WNT6: variants seen among roughly 807,000 people sequenced by gnomAD.
WNT6 encodes the protein Wnt family member 6.
A neutral mutation model predicts 33.1 loss-of-function variants in WNT6; 27 were observed. The ratio of observed to expected loss-of-function variants is 0.82; its 90% CI spans 0.60 to 1.12. The LOEUF (loss-of-function observed/expected upper bound fraction) is 1.12, where lower values mean the gene tolerates loss of function less well. Among genes scored for constraint, WNT6 ranks in the 50% most tolerant of loss-of-function variants. WNT6 has a pLI of 0.00. For missense variants in WNT6, 494 were observed against 535.3 expected (o/e 0.92, Z 0.76); for synonymous variants, 249 against 242.8 (o/e 1.03, Z -0.24).
rs771256486 is a variant in WNT6 at position 218,871,188 on chromosome 2, G to T, written c.242G>T (p.Arg81Leu). ...GTGCGAGAGTGCCAGTTCCAGTTCCGCTTCCGCCGCTGGAATTGCTCCAGC... is the reference window on the plus strand; with the variant it reads ...GTGCGAGAGTGCCAGTTCCAGTTCCTCTTCCGCCGCTGGAATTGCTCCAGC... ...LGVRECQFQFRFRRWNCSSHS... is the reference protein window; with the variant it reads ...LGVRECQFQFLFRRWNCSSHS... The change falls in exon 2 of 4, where the codon CGC (arginine) becomes CTC (leucine). Residue 81 changes from arginine to leucine, a missense_variant. Arg to Leu is a moderately radical substitution (Grantham distance 102, BLOSUM62 -2). Coordinates refer to ENST00000233948, the MANE Select transcript of WNT6 (RefSeq NM_006522.4). The surrounding 1 kb of genome is among the most constrained non-coding windows in gnomAD (Gnocchi z 6.4). The T allele has an allele frequency of 1.2e-6, 2 of 1,613,516 alleles. No homozygotes were observed. Among genetic ancestry groups the T allele is most frequent in the Non-Finnish European group, 1.7e-6 (2 of 1,179,892 alleles).
rs1345871655 is a variant in WNT6, at chr2:218,873,735, C to A, written c.988C>A (p.Arg330Ser). The A allele has an allele frequency of 2.5e-6, 4 of 1,579,190 alleles. No homozygotes were observed. The highest frequency in any genetic ancestry group is 1.4e-5 in the African/African-American group (1 of 73,818). Residue 330 changes from arginine (R) to serine (S), a missense_variant, in exon 4 of 4, where the codon CGC becomes AGC. By Grantham distance (110) the Arg-to-Ser change is moderately radical. Transcript: ENST00000233948. The surrounding 1 kb of genome is among the most constrained non-coding windows in gnomAD (Gnocchi z 6.1). ...CDLLCCGRGHRQESVQLEENC... is the reference protein window; with the variant it reads ...CDLLCCGRGHSQESVQLEENC... ...CCTGCTGTGCTGCGGCCGCGGGCACCGCCAGGAGAGCGTGCAGCTCGAAGA... is the reference window on the plus strand; with the variant it reads ...CCTGCTGTGCTGCGGCCGCGGGCACAGCCAGGAGAGCGTGCAGCTCGAAGA...
chr2:218,869,323 C>G (rs778438970), intron 1 of WNT6, among the ~76,000 whole-genome samples: 1 of 152,192 alleles, frequency 6.6e-6, no homozygotes, highest in Non-Finnish European at 1.5e-5. Context: ...ACCACCTCTT[C>G]AAGCATCTCC....
rs1202405033 is a variant in WNT6, at chr2:218,873,256, C to T, written c.637-128C>T. The T allele has an allele frequency of 1.1e-6, 1 of 933,244 alleles. No individual in the cohort carries two copies. The highest frequency in any genetic ancestry group is 2.7e-5 in the East Asian group (1 of 36,406). 57.8% of individuals were successfully genotyped at this position (933,244 alleles called of 1,614,324 possible). On this transcript the variant is annotated intron_variant, in intron 3 of 3. Coordinates refer to ENST00000233948, the MANE Select transcript of WNT6 (RefSeq NM_006522.4). This position sits in a 1 kb window ranked among gnomAD's most constrained non-coding sequence, Gnocchi z 6.1. ...GATTTCCTCCCCCTGAACTTGCGGT[C>T]TCCTTTTGTCTGCATTTTCCTCTCT... is the stretch of plus-strand genomic sequence containing the variant.
intron 1 of WNT6, among the ~76,000 whole-genome samples, chr2:218,868,285 G>T (rs1575224503): frequency 6.6e-6 from 1 of 152,114 alleles, no homozygotes; most frequent in African/African-American, 2.4e-5. Context: ...TAGTCCCTGC[G>T]AAACAGAGAA....
intron 1 of WNT6, among the ~76,000 whole-genome samples, chr2:218,862,843 T>A (rs1944321744): frequency 6.6e-6 from 1 of 151,982 alleles, no homozygotes; most frequent in African/African-American, 2.4e-5. Flanking sequence ...TAACTGGGAT[T>A]AGAGTTGCCC....
intron 1 of WNT6, among the ~76,000 whole-genome samples, chr2:218,866,641 T>C (rs1251426698): frequency 2.0e-5 from 3 of 152,142 alleles, no homozygotes; most frequent in African/African-American, 4.8e-5. Flanking sequence ...ACTAGTTTCA[T>C]TTGACAGTTG....
At position 218,871,907 on chromosome 2, in the gene WNT6, G is replaced by C. The variant is rs1220747855; in HGVS notation, c.636+88G>C. 1.1e-5 allele frequency: 10 copies of C among 941,312 alleles called. No individual in the cohort carries two copies. The highest frequency in any genetic ancestry group is 1.4e-5 in the Non-Finnish European group (10 of 706,352). The allele number at this position is 941,312 out of a possible 1,614,324, so 58.3% of individuals were successfully genotyped here. A position where few individuals can be genotyped will look rare whatever the true frequency, so the allele number is the denominator to read the frequency against. On this transcript the variant is annotated intron_variant, in intron 3 of 3. Coordinates refer to ENST00000233948, the MANE Select transcript of WNT6 (RefSeq NM_006522.4). This position sits in a 1 kb window ranked among gnomAD's most constrained non-coding sequence, Gnocchi z 6.4. Reference sequence around the variant, plus strand: ...TTGAGGAAGTGTTGGCAGGAGTGAGGGTGTGTAGGTGGAGGGGGGCGTTAA... The same window carrying C: ...TTGAGGAAGTGTTGGCAGGAGTGAGCGTGTGTAGGTGGAGGGGGGCGTTAA...
intron 1 of WNT6, among the ~76,000 whole-genome samples, chr2:218,869,781 C>T (rs943701997): frequency 1.1e-4 from 17 of 152,174 alleles, no homozygotes; most frequent in African/African-American, 3.1e-4. Flanking sequence ...TTGGGCAGAA[C>T]GAAGGCCAGG....
intron 1 of WNT6, among the ~76,000 whole-genome samples, chr2:218,864,426 T>C (rs13424008): frequency 0.047 from 6,864 of 147,070 alleles, 513 homozygotes; most frequent in African/African-American, 0.16. Flanking sequence ...TGCCAGCTAA[T>C]TTTTTTTTTT....
At chr2:218,866,067 C>T (rs1406952224) in intron 1 of WNT6, among the ~76,000 whole-genome samples, 8 of 41,376 alleles carry the variant, frequency 1.9e-4, no homozygotes, top group South Asian at 1.1e-3. Context: ...ACAGGACAGG[C>T]GGGCGGGCAC....
At chr2:218,865,722 C>T (rs1251747646) in intron 1 of WNT6, among the ~76,000 whole-genome samples, 1 of 152,114 alleles carries the variant, frequency 6.6e-6, no homozygotes, top group Non-Finnish European at 1.5e-5. Flanking sequence ...AGGTGCTCCC[C>T]ACCCCAATAT....
In WNT6 at chr2:218,873,289, A is replaced by G. The variant is rs1285500021; in HGVS notation, c.637-95A>G. 1 of 1,231,612 alleles carries G rather than the reference A, an allele frequency of 8.1e-7. No homozygotes were observed. The highest frequency in any genetic ancestry group is 1.1e-6 in the Non-Finnish European group (1 of 906,642). 76.3% of individuals were successfully genotyped at this position (1,231,612 alleles called of 1,614,324 possible). ...GTCTGCATTTTCCTCTCTTCCTTTC[A>G]CCTCCCATTCCCAATCTTATTTTCT... On this transcript the variant is annotated intron_variant, in intron 3 of 3. Transcript: ENST00000233948. This position sits in a 1 kb window ranked among gnomAD's most constrained non-coding sequence, Gnocchi z 6.1.
Position 218,873,423 on chromosome 2 carries a change from G to A in WNT6, c.676G>A (p.Gly226Arg), listed in dbSNP as rs1455994673. The change falls in exon 4 of 4, where the codon GGG (glycine) becomes AGG (arginine). Residue 226 changes from glycine to arginine, a missense_variant. By Grantham distance (125) the Gly-to-Arg change is moderately radical. Transcript: ENST00000233948. The surrounding 1 kb of genome is among the most constrained non-coding windows in gnomAD (Gnocchi z 6.1). The stretch of plus-strand genomic sequence containing the variant: ...CACGCGCACCGAGTGCAAATGCCAC[G>A]GGCTGTCGGGATCATGCGCGCTGCG... ...SHTRTECKCH[G>R]LSGSCALRTC... 2 of 1,537,598 alleles carry A rather than the reference G, an allele frequency of 1.3e-6. No homozygotes were observed. The highest frequency in any genetic ancestry group is 2.7e-5 in the African/African-American group (2 of 72,992).
intron 1 of WNT6, among the ~76,000 whole-genome samples, chr2:218,860,932 C>T (rs933768552): frequency 6.6e-6 from 1 of 151,750 alleles, no homozygotes; most frequent in Admixed American, 6.6e-5. Context: ...CCGACCGGGA[C>T]GGCTCAGAGA....
chr2:218,870,326 C>T (rs550701780), intron 1 of WNT6, among the ~76,000 whole-genome samples: 4 of 152,296 alleles, frequency 2.6e-5, no homozygotes, highest in African/African-American at 9.6e-5. Flanking sequence ...GCCCCCAGCT[C>T]CTTCTTCCTG....
At position 218,860,090 on chromosome 2, in the gene WNT6, GC is replaced by G; in HGVS notation, c.56del (p.Pro19ArgfsTer47). 1.3e-6 allele frequency: 2 copies of G among 1,526,896 alleles called. No individual in the cohort carries two copies. The highest frequency in any genetic ancestry group is 8.8e-7 in the Non-Finnish European group (1 of 1,142,020). 94.6% of individuals were successfully genotyped at this position (1,526,896 alleles called of 1,614,324 possible). ...RLGLLLLLLL[C>X]PAHVGGLWWA... ...GGGCTGCTGCTGCTGCTGCTCCTGT[GC>G]CCGGCGCACGTCGGCGGACTGTGGT... On this transcript the variant is annotated frameshift_variant, in exon 1 of 4. Transcript: ENST00000233948. LOFTEE classifies it high-confidence loss of function.
chr2:218,863,216 C>G (rs893552154), intron 1 of WNT6, among the ~76,000 whole-genome samples: 2 of 152,166 alleles, frequency 1.3e-5, no homozygotes, highest in African/African-American at 4.8e-5. Flanking sequence ...GGCAGCTTTC[C>G]CAGTAAGGGC....
intron 1 of WNT6, among the ~76,000 whole-genome samples, chr2:218,868,326 T>C (rs552790517): frequency 2.0e-5 from 3 of 152,278 alleles, no homozygotes; most frequent in East Asian, 3.9e-4. Flanking sequence ...TCTGTCTTGC[T>C]CATCTCCACT....
In WNT6 at chr2:218,867,232, T is replaced by A. The variant is rs1480395153; in HGVS notation, c.81-3795T>A. 6.6e-6 allele frequency among the ~76,000 whole-genome samples: 1 copy of A among 152,198 alleles called. No homozygotes were observed. Among genetic ancestry groups the A allele is most frequent in the East Asian group, 1.9e-4 (1 of 5,200 alleles). ...ATGTTTGAAATATTCATCTACTGTG[T>A]CTTGCAATAGGGATCCCTCCACCAG... On this transcript the variant is annotated intron_variant, in intron 1 of 3. Transcript: ENST00000233948. This position sits in a 1 kb window ranked among gnomAD's most constrained non-coding sequence, Gnocchi z 4.9.
Sources: allele counts gnomAD v4.1 joint callset (sites outside exome capture counted in the v4.1 genomes callset), GRCh38; gene constraint gnomAD v4.1.1; non-coding constraint Gnocchi (gnomAD v3.1); transcripts MANE v1.5; gene names NCBI Gene and HGNC (gene_info 2026-07-23, HGNC 2026-07-21).